The following KIF7 variants were observed in gnomAD, a reference collection of about 807,000 sequenced individuals.
KIF7 encodes kinesin-like protein KIF7.
Under a neutral mutation model 135.7 loss-of-function variants are expected in KIF7, and 104 were observed. The observed-to-expected ratio is 0.77, with a 90% CI of 0.65 to 0.90. The LOEUF (loss-of-function observed/expected upper bound fraction) is 0.90, where lower values mean the gene tolerates loss of function less well. KIF7 is among the 40% of genes least tolerant of loss of function. The pLI is 0.00. For missense variants in KIF7, 2,005 were observed against 1,839.1 expected (o/e 1.09, Z -1.65); for synonymous variants, 883 against 809.4 (o/e 1.09, Z -1.54).
chr15:89,654,860 A>G (rs931001148), intron 1 of KIF7, among the ~76,000 whole-genome samples: 5 of 152,156 alleles, frequency 3.3e-5, no homozygotes, highest in African/African-American at 1.2e-4. Context: ...CCCAGCCCCT[A>G]TTGGGCTCCC....
Position 89,628,668 on chromosome 15 carries a change from G to A in KIF7, c.3783C>T (p.Thr1261=), listed in dbSNP as rs1963590806. 1 of 1,613,112 alleles carries A rather than the reference G, an allele frequency of 6.2e-7. No individual in the cohort carries two copies. The highest frequency in any genetic ancestry group is 8.5e-7 in the Non-Finnish European group (1 of 1,179,906). The part of the protein sequence containing the change: ...LSPLTEGAPR[T]REETRDLVHA... Reference sequence around the variant, plus strand: ...GGACCAAGTCCCGCGTCTCCTCCCGGGTGCGGGGGGCCCCCTCAGTGAGGG... The same window carrying A: ...GGACCAAGTCCCGCGTCTCCTCCCGAGTGCGGGGGGCCCCCTCAGTGAGGG... The change falls in exon 19 of 19, where the codon ACC becomes ACT. Residue 1261 remains threonine, a synonymous_variant. Coordinates refer to ENST00000394412, the MANE Select transcript of KIF7 (RefSeq NM_198525.3).
At chr15:89,631,938 T>A (rs1422627690) in intron 14 of KIF7, among the ~76,000 whole-genome samples, 1 of 152,082 alleles carries the variant, frequency 6.6e-6, no homozygotes, top group East Asian at 1.9e-4. Flanking sequence ...GAGAGGAGGA[T>A]AAGGACCAGA....
At chr15:89,646,073 A>C in intron 7 of KIF7, 47 bp from the exon 8 acceptor site, 1 of 1,611,112 alleles carries the variant, frequency 6.2e-7, no homozygotes, top group South Asian at 1.1e-5. Flanking sequence ...TCCCTGCGAT[A>C]TACCCCACCT....
intron 1 of KIF7, among the ~76,000 whole-genome samples, 185 bp downstream of exon 1, chr15:89,655,214 C>T (rs1232910111): frequency 6.6e-6 from 1 of 152,220 alleles, no homozygotes; most frequent in East Asian, 1.9e-4. Flanking sequence ...ACGGCGCCGG[C>T]CAGTCCAAGG....
chr15:89,629,804 C>A, intron 16 of KIF7: 1 of 607,264 alleles, frequency 1.6e-6, no homozygotes, highest in Non-Finnish European at 2.9e-6. Context: ...CAAACCCTTT[C>A]CTAGCCACAC....
chr15:89,633,008 T>TAGGAAGGGAGGGAGGG lies in KIF7; in HGVS notation c.2719-13_2719-12insCCCTCCCTCCCTTCCT. 1.8e-6 allele frequency: 2 copies of TAGGAAGGGAGGGAGGG among 1,092,416 alleles called. No individual in the cohort carries two copies. Among genetic ancestry groups the TAGGAAGGGAGGGAGGG allele is most frequent in the East Asian group, 2.5e-5 (1 of 40,052 alleles). The allele number at this position is 1,092,416 out of a possible 1,614,324, so 67.7% of individuals were successfully genotyped here. A position where few individuals can be genotyped will look rare whatever the true frequency, so the allele number is the denominator to read the frequency against. On this transcript the variant is annotated splice_polypyrimidine_tract_variant and intron_variant, in intron 13 of 18. Coordinates refer to ENST00000394412, the MANE Select transcript of KIF7 (RefSeq NM_198525.3). ...TGCTCCTCAATCTTCTAAGGAAAAGTAGGGAGGGAGGGAGGGAACTCAGGG... is the reference window on the plus strand; with the variant it reads ...TGCTCCTCAATCTTCTAAGGAAAAGTAGGAAGGGAGGGAGGGAGGGAGGGAGGGAGGGAACTCAGGG...
intron 17 of KIF7, 98 bp from the exon 18 acceptor site, chr15:89,629,220 G>A: frequency 8.9e-7 from 1 of 1,129,240 alleles, no homozygotes; most frequent in Non-Finnish European, 1.3e-6. Context: ...TGGGGGCCGG[G>A]GTTGTGAGCG....
At chr15:89,631,260 AAG>A (rs774124443) in intron 15 of KIF7, among the ~76,000 whole-genome samples, 8 of 152,248 alleles carry the variant, frequency 5.3e-5, no homozygotes, top group Non-Finnish European at 8.8e-5. Flanking sequence ...CTCCAGCCAG[AAG>A]AGAGCTGAGA....
At position 89,652,715 on chromosome 15, in the gene KIF7, C is replaced by T. The variant is rs113881220; in HGVS notation, c.216G>A (p.Gln72=). The T allele has an allele frequency of 3.7e-3, 5,785 of 1,551,800 alleles. 198 individuals are homozygous for T. In the African/African-American group the frequency reaches 0.069, roughly 18 times the overall value. ...CCTCAAGGAGGGGCTGAACGCAGGC[C>T]TGGTACACGGCCTCCTGCCCCGCAT... ...AEDAGQEAVY[Q]ACVQPLLEAF... The change falls in exon 2 of 19, where the codon CAG becomes CAA. Residue 72 remains glutamine (Q), a synonymous_variant. Transcript: ENST00000394412.
At chr15:89,646,749 T>G in intron 7 of KIF7, 81 bp downstream of exon 7, 1 of 1,232,410 alleles carries the variant, frequency 8.1e-7, no homozygotes. Context: ...GGGGGACACG[T>G]GCCCCAGTGC....
chr15:89,662,523 G>T, the KIF7 span, among the ~76,000 whole-genome samples: 1 of 152,156 alleles, frequency 6.6e-6, no homozygotes, highest in Non-Finnish European at 1.5e-5. Context: ...GGGAAAAGGG[G>T]TAAATAATTG....
chr15:89,625,707 TAGTAAG>T (rs371476047), downstream of KIF7: 240 of 1,613,402 alleles, frequency 1.5e-4, no homozygotes, highest in African/African-American at 1.0e-3. Context: ...ATTCAGAAGT[TAGTAAG>T]AGTAAAGAGG....
At chr15:89,647,204 T>A in intron 6 of KIF7, 147 bp from the exon 7 acceptor site, 1 of 723,908 alleles carries the variant, frequency 1.4e-6, no homozygotes, top group Non-Finnish European at 2.4e-6. Context: ...CCAACAACTC[T>A]GTAGGAGTTC....
chr15:89,626,065 A>G (rs770729671), downstream of KIF7: 1 of 1,613,378 alleles, frequency 6.2e-7, no homozygotes, highest in African/African-American at 1.3e-5. Flanking sequence ...CCCAGAGGTA[A>G]TGTTTGTTGA....
At position 89,631,567 on chromosome 15, in the gene KIF7, C is replaced by A. The variant is rs778245883; in HGVS notation, c.3039G>T (p.Glu1013Asp). Residue 1013 changes from glutamate to aspartate, a missense_variant, in exon 15 of 19, where the codon GAG becomes GAT. Transcript: ENST00000394412. ...GGCGCTGCTTGAGCAGCGAGTCCTT[C>A]TCCTGGCGCAGGCTGTCGATCTCCC... is the stretch of plus-strand genomic sequence containing the variant. ...IRGEIDSLRQ[E>D]KDSLLKQRLE... 3.2e-6 allele frequency: 5 copies of A among 1,572,636 alleles called. No individual in the cohort carries two copies. The South Asian group carries it at 3.5e-5, about 11-fold the overall frequency.
chr15:89,622,552 T>C (rs1567052208), intron 1 of KIF7, among the ~76,000 whole-genome samples: 1 of 152,212 alleles, frequency 6.6e-6, no homozygotes, highest in Non-Finnish European at 1.5e-5. Context: ...CACCTTTGTT[T>C]GGAAACTCAG....
chr15:89,653,108 G>C (rs1222768357), intron 1 of KIF7, among the ~76,000 whole-genome samples, 154 bp from the exon 2 acceptor site: 1 of 152,190 alleles, frequency 6.6e-6, no homozygotes, highest in East Asian at 1.9e-4. Context: ...GTCCAACCTG[G>C]TGCTCAAAAA....
Position 89,632,878 on chromosome 15 carries a change from T to G in KIF7, c.2837A>C (p.Lys946Thr). The part of the protein sequence containing the change: ...LHKREAILAK[K>T]EALMQEKTGL... ...CGTCTTCTCCTGCATCAGGGCCTCC[T>G]TCTTGGCCAGGATGGCCTCCCGCTT... Residue 946 changes from lysine to threonine, a missense_variant, in exon 14 of 19, where the codon AAG becomes ACG. By Grantham distance (78) the Lys-to-Thr change is moderately conservative. Transcript: ENST00000394412. 6.2e-7 allele frequency: 1 copy of G among 1,610,422 alleles called. No individual in the cohort carries two copies. Among genetic ancestry groups the G allele is most frequent in the East Asian group, 2.2e-5 (1 of 44,874 alleles).
chr15:89,660,554 A>G, the KIF7 span, among the ~76,000 whole-genome samples: 1 of 152,192 alleles, frequency 6.6e-6, no homozygotes, highest in Admixed American at 6.5e-5. Context: ...AGGAAAAGAA[A>G]TCATTCACGA....
Sources: gnomAD v4.1 joint callset for allele counts (sites outside exome capture counted in the v4.1 genomes callset) on GRCh38, gnomAD v4.1.1 for gene constraint, MANE v1.5 for transcripts, NCBI Gene and HGNC (gene_info 2026-07-23, HGNC 2026-07-21) for gene names.